The following NIP7 variants were observed in gnomAD, a reference collection of about 807,000 sequenced individuals.
The protein encoded by NIP7 is nucleolar pre-rRNA processing protein NIP7.
In NIP7, 12 loss-of-function variants were observed where a neutral mutation model predicts 20.1. That is an observed-to-expected ratio of 0.60 (90% CI 0.38 to 0.97). NIP7 has a LOEUF of 0.97. NIP7 is among the 50% of genes least tolerant of loss of function. The pLI is 0.00. For synonymous variants in NIP7, 103 were observed against 87.2 expected, an observed-to-expected ratio of 1.18 and a Z score of -1.01; for missense variants, 226 against 226.6, an observed-to-expected ratio of 1.00 and a Z score of 0.02.
chr16:69,340,287 TCGGTTGCA>T lies in NIP7; in HGVS notation c.240_247del (p.Leu81HisfsTer13). On this transcript the variant is annotated frameshift_variant, in exon 3 of 5. Transcript: ENST00000254940. LOFTEE classifies it high-confidence loss of function. Reference sequence around the variant, plus strand: ...GAAAATTCACTAAAACCCACAAGTTTCGGTTGCACGTCACAGCTCTGGATTACCTTGCA... The same window carrying T: ...GAAAATTCACTAAAACCCACAAGTTTCGTCACAGCTCTGGATTACCTTGCA... 6.2e-7 allele frequency: 1 copy of T among 1,614,078 alleles called. No homozygotes were observed. Among genetic ancestry groups the T allele is most frequent in the Non-Finnish European group, 8.5e-7 (1 of 1,180,036 alleles).
Position 69,342,772 on chromosome 16 carries a change from G to A in NIP7, c.*1120G>A, listed in dbSNP as rs1049131941. ...AAGCTGTTTTCTCAGTATTTTTCTT[G>A]GATGGGATGACGCTAGGCTGGAAAG... On this transcript the variant is annotated 3_prime_UTR_variant, in exon 5 of 5. Transcript: ENST00000254940. 6.6e-6 allele frequency: 1 copy of A among 151,892 alleles called. No individual in the cohort carries two copies. The highest frequency in any genetic ancestry group is 6.6e-5 in the Admixed American group (1 of 15,238). 9.4% of individuals were successfully genotyped at this position (151,892 alleles called of 1,614,324 possible).
At chr16:69,341,006 C>T (rs552922743) in intron 3 of NIP7, 174 bp from the exon 4 acceptor site, 24 of 601,084 alleles carry the variant, frequency 4.0e-5, no homozygotes, top group Non-Finnish European at 5.9e-5. Context: ...AGCCACTGCA[C>T]CGGGCAACTT....
chr16:69,342,714 A>T lies in NIP7; in HGVS notation c.*1062A>T, dbSNP rs562643092. On this transcript the variant is annotated 3_prime_UTR_variant, in exon 5 of 5. Coordinates refer to ENST00000254940, the MANE Select transcript of NIP7 (RefSeq NM_016101.5). ...CTGTTATTAAGTGTAGAGTTTTATG[A>T]GTATAATTTGATTTTATTACCTTCT... 10 of 152,186 alleles carry T rather than the reference A, an allele frequency of 6.6e-5. No individual in the cohort carries two copies. In the South Asian group the frequency reaches 2.1e-3, roughly 32 times the overall value. The allele number at this position is 152,186 out of a possible 1,614,324, so 9.4% of individuals were successfully genotyped here. A position where few individuals can be genotyped will look rare whatever the true frequency, so the allele number is the denominator to read the frequency against.
chr16:69,340,567 C>T, intron 3 of NIP7: 1 of 528,344 alleles, frequency 1.9e-6, no homozygotes, highest in Non-Finnish European at 3.3e-6. Context: ...GGAGACCCAG[C>T]TAGAGATCAG....
In NIP7 at chr16:69,342,216, T is replaced by C. The variant is rs1322612594; in HGVS notation, c.*564T>C. 1 of 152,246 alleles carries C rather than the reference T, an allele frequency of 6.6e-6. No homozygotes were observed. The highest frequency in any genetic ancestry group is 6.5e-5 in the Admixed American group (1 of 15,280). 9.4% of individuals were successfully genotyped at this position (152,246 alleles called of 1,614,324 possible). ...CATTCAGCTTTAATAAGGTTCATTT[T>C]CTTCTGTTTAAAAAGACACAAAACT... On this transcript the variant is annotated 3_prime_UTR_variant, in exon 5 of 5. Coordinates refer to ENST00000254940, the MANE Select transcript of NIP7 (RefSeq NM_016101.5).
chr16:69,339,953 T>C (rs532937575), intron 1 of NIP7, 53 bp from the exon 2 acceptor site: 40 of 1,612,936 alleles, frequency 2.5e-5, no homozygotes, highest in Non-Finnish European at 3.1e-5. Context: ...GGGGGCGCGG[T>C]GCCGGAGACC....
In NIP7 at chr16:69,342,314, G is replaced by T. The variant is rs1281208394; in HGVS notation, c.*662G>T. ...TTGGAATTAGAAATCATGATTGTAG[G>T]CTGGGCACAGTGGCTCGCGCCTGTA... On this transcript the variant is annotated 3_prime_UTR_variant, in exon 5 of 5. Transcript: ENST00000254940. 1 of 152,220 alleles carries T rather than the reference G, an allele frequency of 6.6e-6. No individual in the cohort carries two copies. The highest frequency in any genetic ancestry group is 2.4e-5 in the African/African-American group (1 of 41,448). The allele number at this position is 152,220 out of a possible 1,614,324, so 9.4% of individuals were successfully genotyped here. A position where few individuals can be genotyped will look rare whatever the true frequency, so the allele number is the denominator to read the frequency against.
chr16:69,340,383 G>C (rs2012489384), intron 3 of NIP7, 51 bp downstream of exon 3: 2 of 1,592,220 alleles, frequency 1.3e-6, no homozygotes, highest in African/African-American at 2.7e-5. Flanking sequence ...TCAAGGATTA[G>C]GCAGATTGTC....
intron 4 of NIP7, 90 bp from the exon 5 acceptor site, chr16:69,341,443 T>G: frequency 6.3e-7 from 1 of 1,581,858 alleles, no homozygotes. Context: ...AGACCAGAAC[T>G]GTATTTTTTC....
intron 2 of NIP7, 29 bp from the exon 3 acceptor site, chr16:69,340,165 G>T (rs771450840): frequency 6.2e-7 from 1 of 1,613,370 alleles, no homozygotes; most frequent in African/African-American, 1.3e-5. Context: ...TCCTTCATCC[G>T]CAACCTTGCT....
At position 69,341,774 on chromosome 16, in the gene NIP7, A is replaced by C; in HGVS notation, c.*122A>C. On this transcript the variant is annotated 3_prime_UTR_variant, in exon 5 of 5. Coordinates refer to ENST00000254940, the MANE Select transcript of NIP7 (RefSeq NM_016101.5). ...ACTCTGGCCTCTTCAGGGACTTCTT[A>C]TTTACTGTACTCTCTATCACTGACA... The C allele has an allele frequency of 4.3e-6, 5 of 1,164,184 alleles. No homozygotes were observed. Among genetic ancestry groups the C allele is most frequent in the South Asian group, 2.9e-5 (2 of 69,322 alleles). The allele number at this position is 1,164,184 out of a possible 1,614,324, so 72.1% of individuals were successfully genotyped here. A position where few individuals can be genotyped will look rare whatever the true frequency, so the allele number is the denominator to read the frequency against.
In NIP7 at chr16:69,340,245, G is replaced by T. The variant is rs1597228477; in HGVS notation, c.195G>T (p.Ser65=). 3 of 1,614,166 alleles carry T rather than the reference G, an allele frequency of 1.9e-6. No individual in the cohort carries two copies. Among genetic ancestry groups the T allele is most frequent in the Non-Finnish European group, 2.5e-6 (3 of 1,180,030 alleles). Residue 65 remains serine (S), a synonymous_variant, in exon 3 of 5, where the codon TCG becomes TCT. Transcript: ENST00000254940. ...ATATTTCCGGGGACAAGCTGGTGTC[G>T]CTGGGGACCTGCTTTGGAAAATTCA... ...AANISGDKLV[S]LGTCFGKFTK... is the part of the protein sequence containing the mutation.
intron 4 of NIP7, 96 bp from the exon 5 acceptor site, chr16:69,341,437 C>A (rs2012548612): frequency 1.3e-6 from 2 of 1,578,702 alleles, no homozygotes; most frequent in Admixed American, 1.8e-5. Flanking sequence ...CCAGAAAGAC[C>A]AGAACTGTAT....
Position 69,341,323 on chromosome 16 carries a change from G to A in NIP7, c.423+3G>A, listed in dbSNP as rs1597229312. ...ACTCCATGGCAGACATCCCTTTGGT[G>A]AGTAGAGATGGTAGCTGTTACAGAA... On this transcript the variant is annotated splice_donor_region_variant and intron_variant, in intron 4 of 4. Transcript: ENST00000254940. 6.2e-7 allele frequency: 1 copy of A among 1,613,086 alleles called. No homozygotes were observed. Among genetic ancestry groups the A allele is most frequent in the Non-Finnish European group, 8.5e-7 (1 of 1,179,834 alleles).
chr16:69,339,914 T>C lies in NIP7; in HGVS notation c.56+29T>C, dbSNP rs368358058. 5 of 1,612,272 alleles carry C rather than the reference T, an allele frequency of 3.1e-6. No homozygotes were observed. In the African/African-American group the frequency reaches 6.8e-5, roughly 22 times the overall value. ...GGAGCGCGCGGGGCGGACGCGGGAG[T>C]GTGTGGGTGTGGTGGCCAAGGGTGG... On this transcript the variant is annotated intron_variant, in intron 1 of 4. Coordinates refer to ENST00000254940, the MANE Select transcript of NIP7 (RefSeq NM_016101.5).
Position 69,342,907 on chromosome 16 carries a change from C to G in NIP7, c.*1255C>G, listed in dbSNP as rs2142675460. The G allele has an allele frequency of 6.5e-6, 1 of 152,868 alleles. No homozygotes were observed. Among genetic ancestry groups the G allele is most frequent in the Admixed American group, 6.5e-5 (1 of 15,342 alleles). The allele number at this position is 152,868 out of a possible 1,614,324, so 9.5% of individuals were successfully genotyped here. A position where few individuals can be genotyped will look rare whatever the true frequency, so the allele number is the denominator to read the frequency against. On this transcript the variant is annotated 3_prime_UTR_variant, in exon 5 of 5. Coordinates refer to ENST00000254940, the MANE Select transcript of NIP7 (RefSeq NM_016101.5). The stretch of plus-strand genomic sequence containing the variant: ...AGAGGCCACGACATAAAAATTCAGT[C>G]CCTTTGTCCTTCCCCGTGCCTCCCA...
chr16:69,341,497 C>T (rs371580331), intron 4 of NIP7, 36 bp from the exon 5 acceptor site: 5 of 1,611,410 alleles, frequency 3.1e-6, no homozygotes, highest in African/African-American at 1.3e-5. Flanking sequence ...TATTGAATGA[C>T]TTCAGTGAGT....
In NIP7 at chr16:69,342,163, C is replaced by T. The variant is rs2142674052; in HGVS notation, c.*511C>T. The T allele has an allele frequency of 6.6e-6, 1 of 152,502 alleles. No individual in the cohort carries two copies. The highest frequency in any genetic ancestry group is 1.9e-4 in the East Asian group (1 of 5,190). The allele number at this position is 152,502 out of a possible 1,614,324, so 9.4% of individuals were successfully genotyped here. A position where few individuals can be genotyped will look rare whatever the true frequency, so the allele number is the denominator to read the frequency against. On this transcript the variant is annotated 3_prime_UTR_variant, in exon 5 of 5. Transcript: ENST00000254940. ...ACGGGTTCAAACCCCACTTCTGCCA[C>T]CTACCAGCTATATGGCCTTGAATGA...
At position 69,339,777 on chromosome 16, in the gene NIP7, C is replaced by A. The variant is rs1016990903; in HGVS notation, c.-53C>A. The A allele has an allele frequency of 6.2e-7, 1 of 1,603,962 alleles. No homozygotes were observed. The highest frequency in any genetic ancestry group is 1.3e-5 in the African/African-American group (1 of 74,704). On this transcript the variant is annotated 5_prime_UTR_variant, in exon 1 of 5. Transcript: ENST00000254940. The stretch of plus-strand genomic sequence containing the variant: ...CCGGGGAGCAGCGAGCGACCGACTT[C>A]CGTTTCCAGTTACCAAGGCACGAGG...
Sources: gnomAD v4.1 joint callset for allele counts on GRCh38, gnomAD v4.1.1 for gene constraint, MANE v1.5 for transcripts, NCBI Gene and HGNC (gene_info 2026-07-23, HGNC 2026-07-21) for gene names.